SPATA31H1: variants seen among roughly 807,000 people sequenced by gnomAD.
SPATA31H1 encodes SPATA31 subfamily H member 1.
the SPATA31H1 span, chr2:27,570,185 C>T: frequency 8.5e-5 from 34 of 398,744 alleles, no homozygotes; most frequent in Middle Eastern, 6.3e-4. Flanking sequence ...GAGCTCAGCT[C>T]GAAGATATAA....
chr2:27,549,910 G>C, the SPATA31H1 span, among the ~76,000 whole-genome samples: 1 of 151,872 alleles, frequency 6.6e-6, no homozygotes, highest in Non-Finnish European at 1.5e-5. Context: ...TCTCACCTTG[G>C]CCTCCCAAGG....
At chr2:27,553,381 T>G in the SPATA31H1 span, among the ~76,000 whole-genome samples, 1 of 152,072 alleles carries the variant, frequency 6.6e-6, no homozygotes, top group Non-Finnish European at 1.5e-5. Context: ...CCTGGCAGTT[T>G]TCCTGCTGTG....
the SPATA31H1 span, among the ~76,000 whole-genome samples, chr2:27,563,385 CTT>C: frequency 9.3e-3 from 637 of 68,616 alleles, no homozygotes; most frequent in Non-Finnish European, 0.012. Context: ...TCTTCTACTT[CTT>C]TTTTTTTTTT....
At chr2:27,559,485 C>A in the SPATA31H1 span, among the ~76,000 whole-genome samples, 1 of 152,136 alleles carries the variant, frequency 6.6e-6, no homozygotes, top group Non-Finnish European at 1.5e-5. Context: ...TGATAGGTCT[C>A]TAATGACTTT....
the SPATA31H1 span, chr2:27,572,253 T>C: frequency 2.2e-4 from 89 of 398,464 alleles, no homozygotes; most frequent in Non-Finnish European, 3.7e-4. Flanking sequence ...AGTGAAACCC[T>C]TGGGCTCGAC....
the SPATA31H1 span, chr2:27,537,553 G>C: frequency 8.4e-6 from 6 of 717,286 alleles, no homozygotes; most frequent in South Asian, 7.4e-5. Context: ...GCAGGTGGCA[G>C]CCAAGATAAA....
the SPATA31H1 span, among the ~76,000 whole-genome samples, chr2:27,555,341 T>G: frequency 2.0e-5 from 3 of 151,964 alleles, no homozygotes; most frequent in African/African-American, 7.3e-5. Flanking sequence ...AATTTCTCTA[T>G]TTTGCCTTAA....
chr2:27,582,276 C>T, the SPATA31H1 span: 5 of 1,614,112 alleles, frequency 3.1e-6, no homozygotes, highest in Admixed American at 3.3e-5. Context: ...GAGGAGCCAT[C>T]GCAGTTCCTG....
chr2:27,581,426 C>A, the SPATA31H1 span: 14 of 1,613,626 alleles, frequency 8.7e-6, no homozygotes, highest in East Asian at 6.7e-5. Context: ...GCAGTCCCCC[C>A]GAGAGGAGCT....
the SPATA31H1 span, chr2:27,577,315 TG>T: frequency 1.2e-6 from 2 of 1,613,996 alleles, no homozygotes; most frequent in Non-Finnish European, 1.7e-6. This position sits in a 1 kb window ranked among gnomAD's most constrained non-coding sequence, Gnocchi z 4.5. Context: ...GTTAAGGATG[TG>T]GGGGAGTTAT....
At chr2:27,559,248 A>G in the SPATA31H1 span, among the ~76,000 whole-genome samples, 3 of 152,212 alleles carry the variant, frequency 2.0e-5, no homozygotes, top group Non-Finnish European at 2.9e-5. Context: ...GATTAAATTT[A>G]TCAGAGGCTG....
the SPATA31H1 span, among the ~76,000 whole-genome samples, chr2:27,549,845 T>C: frequency 6.6e-6 from 1 of 151,798 alleles, no homozygotes; most frequent in Non-Finnish European, 1.5e-5. Flanking sequence ...TTTGTGGAGA[T>C]GGGGTCTCAC....
the SPATA31H1 span, among the ~76,000 whole-genome samples, chr2:27,555,409 T>C: frequency 1.3e-5 from 2 of 151,922 alleles, no homozygotes; most frequent in Non-Finnish European, 2.9e-5. Context: ...CTATGGTTCA[T>C]GCCTGTAATC....
chr2:27,565,192 C>T, the SPATA31H1 span: 3 of 603,516 alleles, frequency 5.0e-6, no homozygotes, highest in African/African-American at 1.9e-5. Flanking sequence ...ACGGCATTTA[C>T]ATGTGGTTAT....
the SPATA31H1 span, chr2:27,579,794 G>A: frequency 6.2e-7 from 1 of 1,614,152 alleles, no homozygotes; most frequent in Non-Finnish European, 8.5e-7. Flanking sequence ...ATCTTTCCCA[G>A]GCCAAGACTG....
the SPATA31H1 span, among the ~76,000 whole-genome samples, chr2:27,563,497 G>A: frequency 7.3e-6 from 1 of 137,398 alleles, no homozygotes; most frequent in Admixed American, 8.1e-5. Context: ...CCAGGCTCCA[G>A]AGATCCTCCT....
chr2:27,573,439 C>A, the SPATA31H1 span: 1 of 398,426 alleles, frequency 2.5e-6, no homozygotes, highest in South Asian at 1.3e-4. Context: ...GAATTGAAAC[C>A]TTCAGTACAA....
At chr2:27,549,952 C>T in the SPATA31H1 span, among the ~76,000 whole-genome samples, 7 of 151,904 alleles carry the variant, frequency 4.6e-5, no homozygotes, top group Non-Finnish European at 1.0e-4. Flanking sequence ...CAACCATACC[C>T]AGCCTTAAAT....
At chr2:27,566,500 T>TGG in the SPATA31H1 span, 7 of 647,542 alleles carry the variant, frequency 1.1e-5, no homozygotes, top group South Asian at 1.3e-4. Context: ...GTTTTGTCTG[T>TGG]GGGGGTAGTT....
Sources: allele counts gnomAD v4.1 joint callset (sites outside exome capture counted in the v4.1 genomes callset), GRCh38; gene constraint gnomAD v4.1.1; non-coding constraint Gnocchi (gnomAD v3.1); transcripts MANE v1.5; gene names NCBI Gene and HGNC (gene_info 2026-07-23, HGNC 2026-07-21).